IQCE: variants seen among roughly 807,000 people sequenced by gnomAD.
The protein encoded by IQCE is IQ domain-containing protein E.
In IQCE, 115 loss-of-function variants were observed where a neutral mutation model predicts 96.0. That is an observed-to-expected ratio of 1.20 (90% CI 1.03 to 1.40). The LOEUF (loss-of-function observed/expected upper bound fraction) is 1.40, where lower values mean the gene tolerates loss of function less well. Ranked by LOEUF, IQCE falls within the 40% of genes most tolerant of loss-of-function variation. IQCE has a pLI of 0.00. For synonymous variants in IQCE, 412 were observed against 371.2 expected (o/e 1.11, Z -1.26); for missense variants, 1,041 against 909.1 (o/e 1.15, Z -1.87).
chr7:2,564,024 ATAG>A (rs1316177193), intron 1 of IQCE, among the ~76,000 whole-genome samples: 2 of 151,826 alleles, frequency 1.3e-5, no homozygotes. Flanking sequence ...CCTGGCCAAC[ATAG>A]TGAAACCCTG....
chr7:2,576,300 G>GT (rs1782119941), intron 6 of IQCE, among the ~76,000 whole-genome samples: 1 of 152,194 alleles, frequency 6.6e-6, no homozygotes, highest in Admixed American at 6.5e-5. Context: ...CCTACACGCT[G>GT]TTTCTTTCCT....
At chr7:2,572,869 C>G in intron 5 of IQCE, 1 of 390,560 alleles carries the variant, frequency 2.6e-6, no homozygotes, top group South Asian at 1.9e-5. Flanking sequence ...GTGTTTCCCA[C>G]CTATCCTCCT....
chr7:2,587,782 C>A, intron 12 of IQCE, 40 bp from the exon 13 acceptor site: 1 of 1,607,238 alleles, frequency 6.2e-7, no homozygotes, highest in South Asian at 1.1e-5. Context: ...CTGGCAGTGC[C>A]CACCAGGATG....
chr7:2,572,979 C>T (rs1433783788), intron 5 of IQCE, among the ~76,000 whole-genome samples: 1 of 152,182 alleles, frequency 6.6e-6, no homozygotes, highest in East Asian at 1.9e-4. Context: ...ATCTTTTAGG[C>T]TGAAATTTAG....
chr7:2,578,122 G>C, intron 6 of IQCE, 120 bp from the exon 7 acceptor site: 1 of 722,366 alleles, frequency 1.4e-6, no homozygotes, highest in Non-Finnish European at 2.4e-6. Context: ...GGCTGTGCGC[G>C]TGGGGACGTG....
chr7:2,607,367 AGCGTC>A, intron 21 of IQCE, 140 bp downstream of exon 21: 1 of 1,411,352 alleles, frequency 7.1e-7, no homozygotes, highest in Non-Finnish European at 9.2e-7. Flanking sequence ...CTCTGAACTA[AGCGTC>A]GCCTTATGCC....
intron 21 of IQCE, among the ~76,000 whole-genome samples, chr7:2,608,580 G>A (rs928037836): frequency 8.5e-5 from 13 of 152,176 alleles, no homozygotes; most frequent in Non-Finnish European, 5.9e-5. Flanking sequence ...CACGCAAAGC[G>A]GTCGGGCCGG....
At chr7:2,585,252 G>A (rs537581253) in intron 11 of IQCE, among the ~76,000 whole-genome samples, 10 of 152,250 alleles carry the variant, frequency 6.6e-5, no homozygotes, top group African/African-American at 1.9e-4. Context: ...TGGCAAGGCT[G>A]TTCTCGAACT....
chr7:2,578,417 C>G (rs1165272305), intron 7 of IQCE, 59 bp from the exon 8 acceptor site: 7 of 1,600,970 alleles, frequency 4.4e-6, no homozygotes, highest in Non-Finnish European at 5.1e-6. Context: ...CATCTGCCAG[C>G]CAGCCCTGCT....
At chr7:2,578,616 C>T (rs1583429673) in intron 8 of IQCE, 90 bp downstream of exon 8, 5 of 1,397,894 alleles carry the variant, frequency 3.6e-6, no homozygotes, top group East Asian at 2.3e-5. Flanking sequence ...GCAGCACCCA[C>T]GCGTGAAGAG....
rs927094676 is a variant in IQCE, at chr7:2,614,408, G to A, written c.*4246G>A. Reference sequence around the variant, plus strand: ...TGGGTCCGAGCCAGCTATTTCTCAAGGCTCCCACCTCGCCAAGCTCCCAAG... The same window carrying A: ...TGGGTCCGAGCCAGCTATTTCTCAAAGCTCCCACCTCGCCAAGCTCCCAAG... On this transcript the variant is annotated 3_prime_UTR_variant, in exon 22 of 22. Transcript: ENST00000402050. The A allele has an allele frequency of 2.5e-4, 38 of 152,212 alleles. No individual in the cohort carries two copies. The highest frequency in any genetic ancestry group is 7.8e-4 in the Admixed American group (12 of 15,288). The allele number at this position is 152,212 out of a possible 1,614,324, so 9.4% of individuals were successfully genotyped here.
rs545763563 is a variant in IQCE at position 2,566,992 on chromosome 7, A to C, written c.37-124A>C. 2.6e-5 allele frequency: 20 copies of C among 772,400 alleles called. No individual in the cohort carries two copies. In the African/African-American group the frequency reaches 3.1e-4, roughly 12 times the overall value. 47.8% of individuals were successfully genotyped at this position (772,400 alleles called of 1,614,324 possible). On this transcript the variant is annotated intron_variant, in intron 1 of 21. Coordinates refer to ENST00000402050, the MANE Select transcript of IQCE (RefSeq NM_152558.5). ...CAGCTGGAGTGTTCTGAGTGGCCTC[A>C]GAGCTGGATTTCTGGAGTTTCTGTT...
intron 1 of IQCE, among the ~76,000 whole-genome samples, chr7:2,565,133 A>AGAGTGT (rs558760800): frequency 1.4e-5 from 2 of 147,142 alleles, no homozygotes; most frequent in African/African-American, 5.0e-5. Context: ...CATGTGTGTG[A>AGAGTGT]GTGTGTGTGT....
chr7:2,589,200 T>G lies in IQCE; in HGVS notation c.1045-707T>G, dbSNP rs185343415. Among the ~76,000 whole-genome samples, 7 of 151,838 alleles carry G rather than the reference T, an allele frequency of 4.6e-5. No homozygotes were observed. In the East Asian group the frequency reaches 1.4e-3, roughly 30 times the overall value. On this transcript the variant is annotated intron_variant, in intron 13 of 21. Transcript: ENST00000402050. ...CTGGGCAACATAGCAAGACCCCATC[T>G]CTACAAAAATAAAAACAATTAGCCT...
intron 4 of IQCE, 147 bp from the exon 5 acceptor site, chr7:2,572,045 T>G: frequency 1.3e-6 from 1 of 787,578 alleles, no homozygotes; most frequent in Non-Finnish European, 2.1e-6. Flanking sequence ...TGGGAGCTGG[T>G]TGGTTAACCA....
chr7:2,581,153 T>A (rs533807312), intron 8 of IQCE, among the ~76,000 whole-genome samples: 87 of 151,924 alleles, frequency 5.7e-4, no homozygotes, highest in Non-Finnish European at 9.4e-4. Context: ...CTGTAACATC[T>A]TCTTTTTTTA....
intron 21 of IQCE, among the ~76,000 whole-genome samples, chr7:2,609,688 G>A (rs1785023480): frequency 6.6e-6 from 1 of 151,692 alleles, no homozygotes; most frequent in Non-Finnish European, 1.5e-5. Flanking sequence ...GGAGAGTGAG[G>A]CTTTCTAGCA....
At chr7:2,586,754 T>G (rs377712469) in intron 12 of IQCE, among the ~76,000 whole-genome samples, 173 of 152,120 alleles carry the variant, frequency 1.1e-3, no homozygotes, top group African/African-American at 3.9e-3. Flanking sequence ...CGGTGACAGC[T>G]GAGCGGGACC....
At chr7:2,575,860 C>A (rs1414809553) in intron 6 of IQCE, among the ~76,000 whole-genome samples, 1 of 152,166 alleles carries the variant, frequency 6.6e-6, no homozygotes, top group African/African-American at 2.4e-5. Context: ...CGGCTCCCGG[C>A]CCATCCGCCT....
Sources: gnomAD v4.1 joint callset for allele counts (sites outside exome capture counted in the v4.1 genomes callset) on GRCh38, gnomAD v4.1.1 for gene constraint, MANE v1.5 for transcripts, NCBI Gene and HGNC (gene_info 2026-07-23, HGNC 2026-07-21) for gene names.